The following MYO10 variants were observed in gnomAD, a reference collection of about 807,000 sequenced individuals.
The protein encoded by MYO10 is myosin X.
A neutral mutation model predicts 257.3 loss-of-function variants in MYO10; 133 were observed. That is an observed-to-expected ratio of 0.52 (90% CI 0.45 to 0.60). The LOEUF is 0.60. Among genes scored for constraint, MYO10 ranks in the 20% least tolerant of loss-of-function variants. The pLI, the probability that MYO10 is intolerant of heterozygous loss-of-function variation, is 0.00. For missense variants in MYO10, 2,399 were observed against 2,635.7 expected (o/e 0.91, Z 1.97); for synonymous variants, 1,104 against 1,028.6 (o/e 1.07, Z -1.40).
rs377555442 is a variant in MYO10, at chr5:16,822,690, A to T, written c.121-4523T>A. Among the ~76,000 whole-genome samples the T allele has an allele frequency of 3.6e-4, 48 of 133,530 alleles. No homozygotes were observed. The South Asian group carries it at 5.1e-3, about 14-fold the overall frequency. 87.6% of individuals were successfully genotyped at this position (133,530 alleles called of 152,430 possible). Reference sequence around the variant, plus strand: ...TTTTTTTTCTTTTTTATTTATTTTTATTTTTTTTTTTTTTTGAGACGGAGT... The same window carrying T: ...TTTTTTTTCTTTTTTATTTATTTTTTTTTTTTTTTTTTTTTGAGACGGAGT... On this transcript the variant is annotated intron_variant, in intron 2 of 40. Coordinates refer to ENST00000513610, the MANE Select transcript of MYO10 (RefSeq NM_012334.3).
chr5:16,922,582 G>A (rs1288909379), intron 1 of MYO10, among the ~76,000 whole-genome samples: 1 of 152,176 alleles, frequency 6.6e-6, no homozygotes, highest in Non-Finnish European at 1.5e-5. Flanking sequence ...AGTGTGAGCT[G>A]CAGCAGGCAG....
intron 1 of MYO10, among the ~76,000 whole-genome samples, chr5:16,882,801 C>T (rs1212723867): frequency 6.6e-6 from 1 of 152,102 alleles, no homozygotes; most frequent in African/African-American, 2.4e-5. Flanking sequence ...TAACACTGCC[C>T]TGTGGTGATG....
At chr5:16,923,523 G>A (rs1324570096) in intron 1 of MYO10, among the ~76,000 whole-genome samples, 20 of 151,608 alleles carry the variant, frequency 1.3e-4, no homozygotes, top group Middle Eastern at 3.5e-3. Flanking sequence ...TCCTGACCTC[G>A]TGATCCACCC....
chr5:16,680,763 T>C (rs1339542661), intron 32 of MYO10, among the ~76,000 whole-genome samples: 2 of 152,226 alleles, frequency 1.3e-5, no homozygotes, highest in East Asian at 1.9e-4. Context: ...CTTTTACAGG[T>C]TGCATAGGAC....
At chr5:16,716,693 G>A (rs1036864850) in intron 19 of MYO10, among the ~76,000 whole-genome samples, 11 of 151,922 alleles carry the variant, frequency 7.2e-5, no homozygotes, top group Non-Finnish European at 1.5e-4. Context: ...CCAGGAAGAC[G>A]TGGCTGGGGG....
chr5:16,872,440 G>A (rs146658598), intron 2 of MYO10, among the ~76,000 whole-genome samples: 1 of 152,092 alleles, frequency 6.6e-6, no homozygotes, highest in African/African-American at 2.4e-5. Flanking sequence ...AAACATTCTT[G>A]AGATCTGCCA....
chr5:16,691,387 A>G (rs1737495874), intron 27 of MYO10, among the ~76,000 whole-genome samples: 1 of 151,156 alleles, frequency 6.6e-6, no homozygotes, highest in African/African-American at 2.4e-5. Context: ...AATCACTGAG[A>G]TGAAATATTT....
chr5:16,820,588 T>C (rs150931363), intron 2 of MYO10, among the ~76,000 whole-genome samples: 46 of 152,274 alleles, frequency 3.0e-4, no homozygotes, highest in African/African-American at 9.1e-4. Context: ...CCAGCACAAC[T>C]ATCTCCCTCT....
rs148613900 is a variant in MYO10, at chr5:16,894,250, CG to C, written c.22-16544del. On this transcript the variant is annotated intron_variant, in intron 1 of 40. Coordinates refer to ENST00000513610, the MANE Select transcript of MYO10 (RefSeq NM_012334.3). ...CCCCTTCTGGGACATTGGATGTAAT[CG>C]TCATGCTCCTTCTTTGATAGCCTTG... 8.9e-3 allele frequency among the ~76,000 whole-genome samples: 1,360 copies of C among 152,258 alleles called. 9 individuals carry two copies. The highest frequency in any genetic ancestry group is 0.015 in the Non-Finnish European group (999 of 68,012).
intron 1 of MYO10, among the ~76,000 whole-genome samples, chr5:16,925,420 T>G (rs552806276): frequency 6.6e-6 from 1 of 152,282 alleles, no homozygotes; most frequent in African/African-American, 2.4e-5. Flanking sequence ...GTACACGCAT[T>G]ACGGTATACT....
intron 38 of MYO10, 79 bp from the exon 39 acceptor site, chr5:16,671,057 T>C: frequency 7.9e-7 from 1 of 1,266,334 alleles, no homozygotes; most frequent in Non-Finnish European, 1.1e-6. Flanking sequence ...CTCCCTCACT[T>C]CATGAGGGTT....
In MYO10 at chr5:16,763,716, C is replaced by A; in HGVS notation, c.1366G>T (p.Glu456Ter). The A allele has an allele frequency of 6.2e-7, 1 of 1,609,158 alleles. No individual in the cohort carries two copies. Among genetic ancestry groups the A allele is most frequent in the South Asian group, 1.1e-5 (1 of 90,710 alleles). ...TTGTTGAAGTACTCCTGAAGTTTCT[C>A]GTTTGCATAGTTTATATTGAACTGT... ...FEQFNINYAN[E>*]KLQEYFNKHI... The change falls in exon 13 of 41, where the codon GAG (glutamate) becomes TAG (stop). Residue 456 changes from glutamate (E) to a stop codon, truncating the protein, a stop_gained. Transcript: ENST00000513610. LOFTEE classifies it high-confidence loss of function.
chr5:16,764,974 C>T (rs1269710501), intron 11 of MYO10, among the ~76,000 whole-genome samples: 1 of 152,162 alleles, frequency 6.6e-6, no homozygotes, highest in Non-Finnish European at 1.5e-5. Context: ...CAGGTGTGAG[C>T]CACCGCACCT....
At position 16,665,876 on chromosome 5, in the gene MYO10, A is replaced by AAAAC. The variant is rs1232184841; in HGVS notation, c.*812_*815dup. ...ACAGATGGCAGACTTTGCTACATGT[A>AAAAC]AAACAATGGAGTCAACACGTGTTTT... On this transcript the variant is annotated 3_prime_UTR_variant, in exon 41 of 41. Coordinates refer to ENST00000513610, the MANE Select transcript of MYO10 (RefSeq NM_012334.3). 2.0e-5 allele frequency: 3 copies of AAAAC among 152,802 alleles called. No individual in the cohort carries two copies. Among genetic ancestry groups the AAAAC allele is most frequent in the African/African-American group, 2.4e-5 (1 of 41,588 alleles). The allele number at this position is 152,802 out of a possible 1,614,324, so 9.5% of individuals were successfully genotyped here.
At chr5:16,672,308 A>AAAAAAAAAAG (rs397796808) in intron 37 of MYO10, among the ~76,000 whole-genome samples, 2 of 151,720 alleles carry the variant, frequency 1.3e-5, no homozygotes, top group Admixed American at 6.6e-5. Context: ...AAAAAAAAAA[A>AAAAAAAAAAG]GTAGGTCCAT....
At chr5:16,668,539 G>A (rs1202568862) in intron 39 of MYO10, 71 bp from the exon 40 acceptor site, 4 of 1,313,240 alleles carry the variant, frequency 3.0e-6, no homozygotes, top group Middle Eastern at 2.7e-4. Flanking sequence ...TAAACCATAA[G>A]ACAGGCTTTG....
Position 16,711,007 on chromosome 5 carries a change from C to T in MYO10, c.2070G>A (p.Met690Ile), listed in dbSNP as rs376331087. 21 of 1,613,920 alleles carry T rather than the reference C, an allele frequency of 1.3e-5. No individual in the cohort carries two copies. The highest frequency in any genetic ancestry group is 2.2e-5 in the South Asian group (2 of 91,078). The change falls in exon 21 of 41, where the codon ATG becomes ATA. Residue 690 changes from methionine to isoleucine, a missense_variant. This residue lies in a region of MYO10 where 1,820 missense variants were observed against 1,939.4 expected (regional missense o/e 0.94). Coordinates refer to ENST00000513610, the MANE Select transcript of MYO10 (RefSeq NM_012334.3). Reference protein sequence around the residue: ...QDFYKRYKVLMRNLALPEDVR... With the variant: ...QDFYKRYKVLIRNLALPEDVR... ...CGTCCTCAGGCAGAGCCAGATTCCT[C>T]ATCAGCACTTTATACCTGCAACGTG...
At chr5:16,899,126 C>T (rs1260052840) in intron 1 of MYO10, among the ~76,000 whole-genome samples, 1 of 113,910 alleles carries the variant, frequency 8.8e-6, no homozygotes, top group Non-Finnish European at 1.8e-5. Context: ...CAGAACCAGA[C>T]TCTGTCTCAA....
In MYO10 at chr5:16,926,531, G is replaced by A. The variant is rs145861140; in HGVS notation, c.21+9257C>T. Among the ~76,000 whole-genome samples, 597 of 152,044 alleles carry A rather than the reference G, an allele frequency of 3.9e-3. 5 individuals are homozygous for A. Among genetic ancestry groups the A allele is most frequent in the African/African-American group, 0.014 (569 of 41,468 alleles). ...AGCCTGGCCAACATGATGAAACCCC[G>A]TCTCTACTGTAAATACAAAAATTAG... On this transcript the variant is annotated intron_variant, in intron 1 of 40. Coordinates refer to ENST00000513610, the MANE Select transcript of MYO10 (RefSeq NM_012334.3).
Sources: allele counts gnomAD v4.1 joint callset (sites outside exome capture counted in the v4.1 genomes callset), GRCh38; gene constraint gnomAD v4.1.1; regional missense constraint gnomAD v4.1.1; transcripts MANE v1.5; gene names NCBI Gene and HGNC (gene_info 2026-07-23, HGNC 2026-07-21).